BCKDHB: variants seen among roughly 807,000 people sequenced by gnomAD.
BCKDHB encodes branched chain keto acid dehydrogenase E1 subunit beta.
Under a neutral mutation model 48.5 loss-of-function variants are expected in BCKDHB, and 41 were observed. The observed-to-expected ratio is 0.85, with a 90% CI of 0.66 to 1.10. The LOEUF is 1.10. BCKDHB is among the 50% of genes least tolerant of loss of function. The pLI is 0.00. For synonymous variants in BCKDHB, 201 were observed against 174.8 expected, an observed-to-expected ratio of 1.15 and a Z score of -1.18; for missense variants, 496 against 494.2, an observed-to-expected ratio of 1.00 and a Z score of -0.03.
chr6:80,205,794 GT>G (rs1562135382), intron 8 of BCKDHB, among the ~76,000 whole-genome samples: 1,178 of 107,132 alleles, frequency 0.011, 15 homozygotes, highest in African/African-American at 0.038. Context: ...TGCCATGGGT[GT>G]GTGTGTGTGT....
At chr6:80,320,321 A>G (rs1471504204) in intron 9 of BCKDHB, among the ~76,000 whole-genome samples, 2 of 152,236 alleles carry the variant, frequency 1.3e-5, no homozygotes, top group East Asian at 1.9e-4. Context: ...TACAGTCACA[A>G]TAATATGTTC....
chr6:80,159,570 C>A (rs942604466), intron 3 of BCKDHB, among the ~76,000 whole-genome samples: 2 of 152,130 alleles, frequency 1.3e-5, no homozygotes, highest in Admixed American at 6.5e-5. Flanking sequence ...AAATGGTCTT[C>A]TGGATTAGCT....
chr6:80,290,128 A>G (rs575122184), intron 9 of BCKDHB, among the ~76,000 whole-genome samples: 53 of 152,282 alleles, frequency 3.5e-4, no homozygotes, highest in African/African-American at 1.1e-3. Flanking sequence ...ATGCCAACCT[A>G]ATCCACAGGC....
At chr6:80,106,644 C>T (rs958531671), upstream of BCKDHB, 13 of 1,533,906 alleles carry the variant, frequency 8.5e-6, no homozygotes, top group Admixed American at 4.0e-5. Flanking sequence ...CCGCCCTCCC[C>T]GCAGGCGGCG....
the BCKDHB span, among the ~76,000 whole-genome samples, chr6:80,380,962 A>G: frequency 3.9e-5 from 6 of 152,004 alleles, no homozygotes; most frequent in Non-Finnish European, 7.4e-5. Flanking sequence ...AGGATTCTCT[A>G]TAGAAGATCA....
At chr6:80,414,726 T>G in the BCKDHB span, among the ~76,000 whole-genome samples, 1 of 152,202 alleles carries the variant, frequency 6.6e-6, no homozygotes, top group African/African-American at 2.4e-5. Context: ...TAGGATTGAC[T>G]TGGCTATTGG....
intron 8 of BCKDHB, among the ~76,000 whole-genome samples, chr6:80,226,636 C>A (rs1582396374): frequency 6.6e-6 from 1 of 152,172 alleles, no homozygotes; most frequent in African/African-American, 2.4e-5. Flanking sequence ...ATTCACTCAC[C>A]AGAAATATAC....
chr6:80,392,362 ATTTT>A, the BCKDHB span, among the ~76,000 whole-genome samples: 1 of 145,992 alleles, frequency 6.8e-6, no homozygotes, highest in African/African-American at 2.6e-5. Context: ...TTAGGGCTGT[ATTTT>A]TTTTTTATTT....
At chr6:80,281,981 A>G (rs1313396771) in intron 9 of BCKDHB, among the ~76,000 whole-genome samples, 1 of 152,216 alleles carries the variant, frequency 6.6e-6, no homozygotes, top group African/African-American at 2.4e-5. Flanking sequence ...ATACTGTTAC[A>G]GAGAAATATA....
chr6:80,162,529 G>T (rs1772366809), intron 3 of BCKDHB, among the ~76,000 whole-genome samples: 1 of 152,084 alleles, frequency 6.6e-6, no homozygotes, highest in South Asian at 2.1e-4. Flanking sequence ...CCATCAGCCT[G>T]CAAATATGCT....
intron 4 of BCKDHB, among the ~76,000 whole-genome samples, chr6:80,168,512 A>G (rs1772697745): frequency 1.6e-5 from 2 of 122,840 alleles, no homozygotes; most frequent in African/African-American, 3.3e-5. Flanking sequence ...GGGAGGGAAA[A>G]GCTCATTGTG....
chr6:80,417,498 T>C, the BCKDHB span, among the ~76,000 whole-genome samples: 2 of 152,172 alleles, frequency 1.3e-5, no homozygotes, highest in African/African-American at 4.8e-5. Flanking sequence ...TCCATATTTA[T>C]TGCTTCCTTC....
intron 4 of BCKDHB, among the ~76,000 whole-genome samples, chr6:80,168,279 C>G (rs1264347816): frequency 6.7e-6 from 1 of 149,766 alleles, no homozygotes; most frequent in African/African-American, 2.5e-5. Context: ...GAGACCCTTT[C>G]TCAAAAAGAA....
In BCKDHB at chr6:80,273,777, T is replaced by TA. The variant is rs61338854; in HGVS notation, c.1038+564dup. Among the ~76,000 whole-genome samples, 770 of 151,984 alleles carry TA rather than the reference T, an allele frequency of 5.1e-3. 4 individuals carry two copies. Among genetic ancestry groups the TA allele is most frequent in the African/African-American group, 0.017 (726 of 41,508 alleles). On this transcript the variant is annotated intron_variant, in intron 9 of 9. Transcript: ENST00000320393. Reference sequence around the variant, plus strand: ...AATTGTTTAAAAACCTATGTTTTTTTAAAAAAAATGCTCATTAAGATGCCA... The same window carrying TA: ...AATTGTTTAAAAACCTATGTTTTTTTAAAAAAAAATGCTCATTAAGATGCCA...
At chr6:80,388,656 A>G in the BCKDHB span, among the ~76,000 whole-genome samples, 6 of 152,304 alleles carry the variant, frequency 3.9e-5, no homozygotes, top group African/African-American at 7.2e-5. Context: ...TCAAATGCCC[A>G]TGATCTCTTC....
chr6:80,136,921 C>T (rs113821386), intron 3 of BCKDHB, among the ~76,000 whole-genome samples: 53 of 152,218 alleles, frequency 3.5e-4, no homozygotes, highest in African/African-American at 9.9e-4. Flanking sequence ...AATACCACTT[C>T]GTACTCATTA....
At chr6:80,154,441 A>G (rs547217483) in intron 3 of BCKDHB, among the ~76,000 whole-genome samples, 3 of 152,126 alleles carry the variant, frequency 2.0e-5, no homozygotes, top group Non-Finnish European at 2.9e-5. Flanking sequence ...TTGAGAGACT[A>G]TTATCTTCAG....
chr6:80,305,715 C>T (rs867082583), intron 9 of BCKDHB, among the ~76,000 whole-genome samples: 1 of 152,156 alleles, frequency 6.6e-6, no homozygotes, highest in African/African-American at 2.4e-5. Flanking sequence ...CATCACTTGT[C>T]TCTGTCCCTT....
At chr6:80,136,761 C>A (rs1303482854) in intron 3 of BCKDHB, among the ~76,000 whole-genome samples, 5 of 151,540 alleles carry the variant, frequency 3.3e-5, no homozygotes, top group African/African-American at 9.7e-5. Context: ...ACAAAAAAAA[C>A]CCCAATCAAT....
Sources: gnomAD v4.1 joint callset for allele counts (sites outside exome capture counted in the v4.1 genomes callset) on GRCh38, gnomAD v4.1.1 for gene constraint, MANE v1.5 for transcripts, NCBI Gene and HGNC (gene_info 2026-07-23, HGNC 2026-07-21) for gene names.